Variants in HECW2 observed in about 807,000 individuals in gnomAD.
HECW2 encodes HECT, C2 and WW domain containing E3 ubiquitin protein ligase 2, also known as E3 ubiquitin-protein ligase HECW2.
A neutral mutation model predicts 175.2 loss-of-function variants in HECW2; 61 were observed. That is an observed-to-expected ratio of 0.35 (90% CI 0.28 to 0.43). HECW2 has a LOEUF of 0.43. Ranked by LOEUF, HECW2 falls within the 20% of genes least tolerant of loss-of-function variation. The probability of loss-of-function intolerance (pLI) is 1.00; values close to 1 mark genes in which losing one functional copy is unlikely to be tolerated. For missense variants in HECW2, 1,524 were observed against 2,000.5 expected, an observed-to-expected ratio of 0.76 and a Z score of 4.54; for synonymous variants, 671 against 731.0, an observed-to-expected ratio of 0.92 and a Z score of 1.32.
chr2:196,263,954 A>G (rs1689410031), intron 17 of HECW2: 1 of 152,172 alleles, frequency 6.6e-6, no homozygotes, highest in South Asian at 2.1e-4. Context: ...TTCCTTTTTC[A>G]ACAGACAGTA....
intron 1 of HECW2, among the ~76,000 whole-genome samples, chr2:196,438,742 T>TGTTC (rs758554155): frequency 1.3e-5 from 2 of 152,262 alleles, no homozygotes; most frequent in Non-Finnish European, 2.9e-5. Flanking sequence ...TAGGAATCAT[T>TGTTC]GTTCAATCCT....
At chr2:196,268,906 T>G (rs752517341) in intron 17 of HECW2, among the ~76,000 whole-genome samples, 6 of 152,218 alleles carry the variant, frequency 3.9e-5, no homozygotes, top group Admixed American at 6.5e-5. Flanking sequence ...TTTTTAGAAC[T>G]AAAACTTCTT....
chr2:196,216,530 CAAA>C (rs11295664), intron 27 of HECW2, among the ~76,000 whole-genome samples: 4 of 136,346 alleles, frequency 2.9e-5, no homozygotes, highest in East Asian at 2.1e-4. Context: ...ACACCACACG[CAAA>C]AAAAAAAAAA....
chr2:196,585,371 C>A (rs1452441458), intron 1 of HECW2, among the ~76,000 whole-genome samples: 2 of 152,104 alleles, frequency 1.3e-5, no homozygotes, highest in African/African-American at 4.8e-5. Context: ...TAAGGGCCAT[C>A]ACAATGGATG....
chr2:196,384,862 C>A (rs1299091036), intron 2 of HECW2, among the ~76,000 whole-genome samples: 1 of 152,162 alleles, frequency 6.6e-6, no homozygotes, highest in Non-Finnish European at 1.5e-5. Context: ...TCAGTAACTT[C>A]ATGAAACTAA....
chr2:196,215,924 C>G lies in HECW2; in HGVS notation c.4548G>C (p.Gly1516=). Residue 1516 remains glycine, a synonymous_variant, in exon 28 of 29, where the codon GGG becomes GGC. Transcript: ENST00000644978. The stretch of plus-strand genomic sequence containing the variant: ...CACAGAATCTTCTTGGGCCGTTACT[C>G]CCTCGGAGTGAAGCAAATCCTTCAT... The part of the protein sequence containing the change: ...IPYEGFASLR[G]SNGPRRFCVE... 1 of 1,614,030 alleles carries G rather than the reference C, an allele frequency of 6.2e-7. No individual in the cohort carries two copies.
In HECW2 at chr2:196,433,417, T is replaced by C; in HGVS notation, c.7A>G (p.Ser3Gly). ...AAAAGCAGGTGCTCCCGGGCTGAACTAGCCATCCCGTCTGCTTCTCTGGGA... is the reference window on the plus strand; with the variant it reads ...AAAAGCAGGTGCTCCCGGGCTGAACCAGCCATCCCGTCTGCTTCTCTGGGA... MA[S>G]SAREHLLFVR... is the part of the protein sequence containing the mutation. Residue 3 changes from serine (S) to glycine (G), a missense_variant, in exon 2 of 29, where the codon AGT becomes GGT. By Grantham distance (56) the Ser-to-Gly change is moderately conservative (BLOSUM62 0). Coordinates refer to ENST00000644978, the MANE Select transcript of HECW2 (RefSeq NM_001348768.2). 1 of 1,612,898 alleles carries C rather than the reference T, an allele frequency of 6.2e-7. No homozygotes were observed. Among genetic ancestry groups the C allele is most frequent in the Non-Finnish European group, 8.5e-7 (1 of 1,179,248 alleles).
intron 26 of HECW2, 63 bp from the exon 27 acceptor site, chr2:196,217,156 C>A (rs935131812): frequency 5.9e-6 from 7 of 1,188,564 alleles, no homozygotes; most frequent in African/African-American, 1.6e-5. Flanking sequence ...CACCAAGATA[C>A]GTGACACGAA....
intron 1 of HECW2, among the ~76,000 whole-genome samples, chr2:196,587,206 C>G (rs111487790): frequency 1.3e-5 from 2 of 152,298 alleles, no homozygotes; most frequent in African/African-American, 4.8e-5. Context: ...TAGAAAACTT[C>G]AATAGTATAA....
intron 1 of HECW2, among the ~76,000 whole-genome samples, chr2:196,462,923 G>T (rs1575571942): frequency 6.6e-6 from 1 of 152,130 alleles, no homozygotes; most frequent in African/African-American, 2.4e-5. Context: ...CCCTGGTCCG[G>T]GGAGACTCCA....
At chr2:196,240,799 C>T (rs1688421830) in intron 20 of HECW2, among the ~76,000 whole-genome samples, 1 of 150,800 alleles carries the variant, frequency 6.6e-6, no homozygotes, top group African/African-American at 2.4e-5. Flanking sequence ...GTGTAAACAA[C>T]CGGAGAATCC....
intron 1 of HECW2, among the ~76,000 whole-genome samples, chr2:196,521,695 A>C (rs1386974128): frequency 7.1e-6 from 1 of 140,238 alleles, no homozygotes; most frequent in Non-Finnish European, 1.5e-5. Flanking sequence ...ATGTGATCTC[A>C]TTGTTCAATT....
intron 1 of HECW2, among the ~76,000 whole-genome samples, chr2:196,567,213 A>C (rs1690219893): frequency 6.6e-6 from 1 of 152,162 alleles, no homozygotes; most frequent in African/African-American, 2.4e-5. Flanking sequence ...AAATACAAGA[A>C]ATGGGCAGTG....
chr2:196,404,346 T>A (rs995807813), intron 2 of HECW2, among the ~76,000 whole-genome samples: 6 of 152,178 alleles, frequency 3.9e-5, no homozygotes, highest in African/African-American at 1.4e-4. Context: ...TAGGATTCTG[T>A]AATAAAGAGA....
At chr2:196,579,109 G>T (rs923198768) in intron 1 of HECW2, among the ~76,000 whole-genome samples, 4 of 152,102 alleles carry the variant, frequency 2.6e-5, no homozygotes, top group Admixed American at 2.6e-4. Context: ...ATATACTTCT[G>T]AATTTAAGTT....
intron 25 of HECW2, 44 bp downstream of exon 25, chr2:196,220,751 T>C (rs1687636186): frequency 1.9e-6 from 3 of 1,589,144 alleles, no homozygotes; most frequent in Non-Finnish European, 2.6e-6. Context: ...TGTGGCATCA[T>C]TGATATCAGA....
At chr2:196,227,125 A>G in intron 22 of HECW2, among the ~76,000 whole-genome samples, 1 of 152,210 alleles carries the variant, frequency 6.6e-6, no homozygotes, top group East Asian at 1.9e-4. Context: ...TTTATTTAGC[A>G]CAACTGTAAT....
intron 28 of HECW2, among the ~76,000 whole-genome samples, chr2:196,215,122 C>T (rs1354856240): frequency 1.3e-5 from 2 of 152,138 alleles, no homozygotes; most frequent in Non-Finnish European, 2.9e-5. Flanking sequence ...TCTTCCATTC[C>T]TCTTTTGTTC....
At chr2:196,488,633 C>T (rs1687090694) in intron 1 of HECW2, among the ~76,000 whole-genome samples, 1 of 135,540 alleles carries the variant, frequency 7.4e-6, no homozygotes, top group Non-Finnish European at 1.5e-5. Context: ...AATGAATACA[C>T]ACACACACAC....
Sources: allele counts gnomAD v4.1 joint callset (sites outside exome capture counted in the v4.1 genomes callset), GRCh38; gene constraint gnomAD v4.1.1; transcripts MANE v1.5; gene names NCBI Gene and HGNC (gene_info 2026-07-23, HGNC 2026-07-21).